The following COL19A1 variants were observed in gnomAD, a reference collection of about 807,000 sequenced individuals.
COL19A1 encodes the protein collagen alpha-1(XIX) chain.
A neutral mutation model predicts 190.2 loss-of-function variants in COL19A1; 159 were observed. The observed-to-expected ratio is 0.84, with a 90% CI of 0.73 to 0.95. The LOEUF is 0.95. Ranked by LOEUF, COL19A1 falls within the 40% of genes least tolerant of loss-of-function variation. COL19A1 has a pLI of 0.00. For missense variants in COL19A1, 1,418 were observed against 1,431.9 expected, an observed-to-expected ratio of 0.99 and a Z score of 0.16; for synonymous variants, 509 against 458.9, an observed-to-expected ratio of 1.11 and a Z score of -1.39.
chr6:70,026,397 G>T (rs532420304), intron 12 of COL19A1, among the ~76,000 whole-genome samples: 1 of 152,276 alleles, frequency 6.6e-6, no homozygotes, highest in East Asian at 1.9e-4. Context: ...GAGGAATCTT[G>T]AAAGAGTCCT....
intron 49 of COL19A1, 187 bp downstream of exon 49, chr6:70,199,923 G>C (rs188113086): frequency 2.9e-4 from 161 of 561,150 alleles, no homozygotes; most frequent in Non-Finnish European, 4.6e-4. Flanking sequence ...TCTAGAAGTA[G>C]ATGTTTAACT....
At chr6:70,130,594 G>A (rs1180366224) in intron 18 of COL19A1, among the ~76,000 whole-genome samples, 1 of 152,338 alleles carries the variant, frequency 6.6e-6, no homozygotes, top group East Asian at 1.9e-4. Flanking sequence ...CCCACGTAGG[G>A]GGCAGCCCCC....
chr6:69,926,335 TAAC>T (rs1382738597), intron 4 of COL19A1, among the ~76,000 whole-genome samples: 1 of 152,126 alleles, frequency 6.6e-6, no homozygotes, highest in Admixed American at 6.6e-5. Context: ...TAAACTTACT[TAAC>T]AATAACTTTG....
chr6:70,077,656 A>T (rs750244826), intron 15 of COL19A1, among the ~76,000 whole-genome samples: 5 of 151,368 alleles, frequency 3.3e-5, no homozygotes, highest in Non-Finnish European at 5.9e-5. Context: ...AAATCACTAG[A>T]CAATGCACTT....
intron 9 of COL19A1, among the ~76,000 whole-genome samples, chr6:69,942,736 G>GTATA (rs1251622736): frequency 8.3e-6 from 1 of 121,122 alleles, no homozygotes; most frequent in Non-Finnish European, 1.7e-5. Context: ...ATTCCATTGT[G>GTATA]TGTATGTGTG....
chr6:70,045,816 T>C (rs1414784910), intron 14 of COL19A1, among the ~76,000 whole-genome samples: 2 of 152,190 alleles, frequency 1.3e-5, no homozygotes, highest in African/African-American at 4.8e-5. Flanking sequence ...GTCTGTAGGC[T>C]TTCTATTTAG....
intron 2 of COL19A1, chr6:69,879,916 T>C: frequency 2.1e-6 from 1 of 482,656 alleles, no homozygotes; most frequent in Admixed American, 3.7e-5. Flanking sequence ...CATACATGCA[T>C]GTGTGCCTCT....
chr6:70,134,965 C>T (rs1785753798), intron 18 of COL19A1, among the ~76,000 whole-genome samples: 1 of 138,592 alleles, frequency 7.2e-6, no homozygotes, highest in African/African-American at 2.6e-5. Context: ...AATCGAAAGC[C>T]CCGTGTTGTT....
intron 10 of COL19A1, 82 bp from the exon 11 acceptor site, chr6:69,962,744 G>C (rs563837421): frequency 1.4e-4 from 137 of 964,964 alleles, no homozygotes; most frequent in Middle Eastern, 1.3e-3. Flanking sequence ...TTCATTGTTT[G>C]AAACATAATT....
chr6:69,892,170 A>T (rs1430747454), intron 2 of COL19A1, among the ~76,000 whole-genome samples: 1 of 152,170 alleles, frequency 6.6e-6, no homozygotes, highest in Non-Finnish European at 1.5e-5. Flanking sequence ...GAAACCTCCG[A>T]GTGGTGGGTA....
intron 9 of COL19A1, among the ~76,000 whole-genome samples, chr6:69,953,488 T>G (rs1774237126): frequency 6.6e-6 from 1 of 152,032 alleles, no homozygotes. Flanking sequence ...AATTGTCTTA[T>G]CTATAGACAT....
intron 11 of COL19A1, among the ~76,000 whole-genome samples, chr6:70,001,486 T>C (rs1314847955): frequency 6.6e-6 from 1 of 152,224 alleles, no homozygotes. Context: ...CGATATTGAT[T>C]CTTCCTATCC....
At chr6:70,192,032 GA>G (rs1766904586) in intron 48 of COL19A1, among the ~76,000 whole-genome samples, 1 of 148,336 alleles carries the variant, frequency 6.7e-6, no homozygotes, top group African/African-American at 2.5e-5. Context: ...TGACAAAACA[GA>G]AAAAAATGGG....
intron 4 of COL19A1, among the ~76,000 whole-genome samples, chr6:69,922,751 A>C (rs937065703): frequency 2.0e-5 from 3 of 152,024 alleles, no homozygotes; most frequent in African/African-American, 7.2e-5. Flanking sequence ...AAAGTGCTGG[A>C]ATTACTGGTG....
intron 44 of COL19A1, among the ~76,000 whole-genome samples, chr6:70,181,783 A>G (rs557939968): frequency 4.0e-4 from 61 of 152,256 alleles, no homozygotes; most frequent in African/African-American, 1.4e-3. Context: ...AGAAACCTGC[A>G]TAAAGTGAGA....
chr6:70,111,601 C>CTT (rs1784290147), intron 16 of COL19A1, among the ~76,000 whole-genome samples: 1 of 152,144 alleles, frequency 6.6e-6, no homozygotes, highest in African/African-American at 2.4e-5. Flanking sequence ...CAGTTAATAT[C>CTT]ACTGATTACT....
chr6:70,086,357 CT>C (rs1175029737), intron 15 of COL19A1, among the ~76,000 whole-genome samples: 1 of 151,676 alleles, frequency 6.6e-6, no homozygotes, highest in Non-Finnish European at 1.5e-5. Flanking sequence ...ACATATATTT[CT>C]TTTTTAAGAG....
In COL19A1 at chr6:69,900,238, G is replaced by T. The variant is rs775028459; in HGVS notation, c.167-1G>T. 3.2e-6 allele frequency: 5 copies of T among 1,557,534 alleles called. No individual in the cohort carries two copies. Among genetic ancestry groups the T allele is most frequent in the Non-Finnish European group, 4.4e-6 (5 of 1,148,800 alleles). The stretch of plus-strand genomic sequence containing the variant: ...ATTGAATCATCTGTTACATTTTACA[G>T]GTTTTGATCTAGGAGACAGCTTTTC... On this transcript the variant is annotated splice_acceptor_variant, in intron 3 of 50. Transcript: ENST00000620364. LOFTEE classifies it high-confidence loss of function.
intron 7 of COL19A1, among the ~76,000 whole-genome samples, chr6:69,936,421 TG>T: frequency 6.6e-6 from 1 of 152,324 alleles, no homozygotes; most frequent in South Asian, 2.1e-4. Context: ...CTTTAATTTT[TG>T]TTCCCAAAAG....
Sources: gnomAD v4.1 joint callset for allele counts (sites outside exome capture counted in the v4.1 genomes callset) on GRCh38, gnomAD v4.1.1 for gene constraint, MANE v1.5 for transcripts, NCBI Gene and HGNC (gene_info 2026-07-23, HGNC 2026-07-21) for gene names.